The following EXOC6B variants were observed in gnomAD, a reference collection of about 807,000 sequenced individuals.
EXOC6B encodes the protein SEC15 homolog B.
A neutral mutation model predicts 113.5 loss-of-function variants in EXOC6B; 54 were observed. The ratio of observed to expected loss-of-function variants is 0.48; its 90% CI spans 0.38 to 0.60. EXOC6B has a LOEUF of 0.60. Ranked by LOEUF, EXOC6B falls within the 20% of genes least tolerant of loss-of-function variation. The pLI is 0.00. For missense variants in EXOC6B, 797 were observed against 977.5 expected (o/e 0.82, Z 2.46); for synonymous variants, 357 against 339.0 (o/e 1.05, Z -0.58).
chr2:72,214,487 C>CAAA (rs11355575), intron 20 of EXOC6B, among the ~76,000 whole-genome samples: 2 of 105,230 alleles, frequency 1.9e-5, no homozygotes, highest in Admixed American at 1.0e-4. Flanking sequence ...TGAGACTTGT[C>CAAA]AAAAAAAAAA....
chr2:72,326,638 C>T (rs1027247561), intron 20 of EXOC6B, among the ~76,000 whole-genome samples: 1 of 151,990 alleles, frequency 6.6e-6, no homozygotes, highest in Admixed American at 6.6e-5. Flanking sequence ...TCAAAAGTTA[C>T]AGTCATTGTT....
At chr2:72,426,964 G>C (rs1380446211) in intron 18 of EXOC6B, among the ~76,000 whole-genome samples, 1 of 152,136 alleles carries the variant, frequency 6.6e-6, no homozygotes, top group Non-Finnish European at 1.5e-5. Context: ...TGCCACCCTC[G>C]TGCAGCCAGA....
chr2:72,514,540 C>A, intron 10 of EXOC6B, 94 bp downstream of exon 10: 1 of 206,544 alleles, frequency 4.8e-6, no homozygotes. Flanking sequence ...ATTTTTCCAA[C>A]ATTCACAACT....
At chr2:72,461,068 T>C (rs995152862) in intron 18 of EXOC6B, among the ~76,000 whole-genome samples, 4 of 151,574 alleles carry the variant, frequency 2.6e-5, no homozygotes, top group African/African-American at 9.7e-5. Flanking sequence ...GGGACACGGA[T>C]GAAACTGGAA....
At chr2:72,286,279 T>G (rs1180249805) in intron 20 of EXOC6B, among the ~76,000 whole-genome samples, 2 of 152,154 alleles carry the variant, frequency 1.3e-5, no homozygotes, top group Non-Finnish European at 2.9e-5. Context: ...TAAATGAATG[T>G]GGTAAATCCA....
chr2:72,713,662 A>G (rs1679413486), intron 6 of EXOC6B, among the ~76,000 whole-genome samples: 1 of 151,916 alleles, frequency 6.6e-6, no homozygotes, highest in Non-Finnish European at 1.5e-5. Context: ...TTTAAAGCCA[A>G]TACTGTGATT....
At chr2:72,213,947 C>T (rs1201256340) in intron 20 of EXOC6B, among the ~76,000 whole-genome samples, 1 of 151,990 alleles carries the variant, frequency 6.6e-6, no homozygotes, top group Non-Finnish European at 1.5e-5. Context: ...TATAGCAGCC[C>T]GAATGGACTA....
intron 1 of EXOC6B, among the ~76,000 whole-genome samples, chr2:72,751,161 C>CATA (rs754240566): frequency 4.5e-4 from 69 of 152,238 alleles, no homozygotes; most frequent in Non-Finnish European, 9.6e-4. Context: ...ACACCTGTGA[C>CATA]ATAGCCTCAG....
intron 2 of EXOC6B, among the ~76,000 whole-genome samples, chr2:72,734,698 G>A (rs764259042): frequency 3.6e-4 from 55 of 152,296 alleles, no homozygotes; most frequent in Non-Finnish European, 4.9e-4. Context: ...TAGAATAAAC[G>A]TGATGGTAAG....
chr2:72,387,320 T>C lies in EXOC6B; in HGVS notation c.1981-7450A>G, dbSNP rs374355912. Among the ~76,000 whole-genome samples the C allele has an allele frequency of 2.6e-5, 4 of 152,166 alleles. No homozygotes were observed. In the East Asian group the frequency reaches 5.8e-4, roughly 22 times the overall value. Reference sequence around the variant, plus strand: ...CTGTTCTTATATTGTCATTGTTTGATTTTGCTATTAGAGTAATGTTGGTCT... The same window carrying C: ...CTGTTCTTATATTGTCATTGTTTGACTTTGCTATTAGAGTAATGTTGGTCT... On this transcript the variant is annotated intron_variant, in intron 18 of 21. Coordinates refer to ENST00000272427, the MANE Select transcript of EXOC6B (RefSeq NM_015189.3).
At chr2:72,344,745 A>G (rs1260667196) in intron 19 of EXOC6B, among the ~76,000 whole-genome samples, 1 of 151,944 alleles carries the variant, frequency 6.6e-6, no homozygotes, top group African/African-American at 2.4e-5. Context: ...ATTTTCTCCA[A>G]TTATGCAGTT....
chr2:72,265,974 T>C (rs1398876594), intron 20 of EXOC6B, among the ~76,000 whole-genome samples: 9 of 152,050 alleles, frequency 5.9e-5, no homozygotes, highest in Non-Finnish European at 1.3e-4. Flanking sequence ...TATCTCATTG[T>C]GGTTTTGATT....
At chr2:72,460,553 G>C (rs1267337114) in intron 18 of EXOC6B, among the ~76,000 whole-genome samples, 1 of 152,144 alleles carries the variant, frequency 6.6e-6, no homozygotes, top group African/African-American at 2.4e-5. Context: ...TGAAAGACAT[G>C]AACAGACACT....
At chr2:72,365,361 G>A (rs2104999914) in intron 19 of EXOC6B, among the ~76,000 whole-genome samples, 1 of 152,174 alleles carries the variant, frequency 6.6e-6, no homozygotes, top group Middle Eastern at 3.4e-3. Context: ...TGGAAACCTG[G>A]AAAACTGTAC....
chr2:72,538,568 T>A (rs1277244573), intron 8 of EXOC6B, among the ~76,000 whole-genome samples: 1 of 152,186 alleles, frequency 6.6e-6, no homozygotes, highest in Non-Finnish European at 1.5e-5. Flanking sequence ...CACATCTTGA[T>A]TCAGAATATT....
At chr2:72,472,817 T>C (rs755399989) in intron 17 of EXOC6B, among the ~76,000 whole-genome samples, 2 of 152,226 alleles carry the variant, frequency 1.3e-5, no homozygotes, top group African/African-American at 2.4e-5. Flanking sequence ...AGGTGCTTAT[T>C]GCTATGAACT....
In EXOC6B at chr2:72,527,964, T is replaced by C. The variant is rs1701817667; in HGVS notation, c.916-12838A>G. Among the ~76,000 whole-genome samples the C allele has an allele frequency of 2.6e-5, 4 of 151,994 alleles. No individual in the cohort carries two copies. The South Asian group carries it at 8.3e-4, about 31-fold the overall frequency. Reference sequence around the variant, plus strand: ...CATAAGGACTCATTTCCTGGATATATGATTTGCAAATATTTTCTCCCACTC... The same window carrying C: ...CATAAGGACTCATTTCCTGGATATACGATTTGCAAATATTTTCTCCCACTC... On this transcript the variant is annotated intron_variant, in intron 8 of 21. Coordinates refer to ENST00000272427, the MANE Select transcript of EXOC6B (RefSeq NM_015189.3).
intron 6 of EXOC6B, among the ~76,000 whole-genome samples, chr2:72,606,344 G>GT (rs1670752059): frequency 6.6e-6 from 1 of 151,718 alleles, no homozygotes; most frequent in Non-Finnish European, 1.5e-5. Context: ...AAGTTAACAA[G>GT]TACACACACA....
At chr2:72,386,157 T>C (rs896539408) in intron 18 of EXOC6B, among the ~76,000 whole-genome samples, 36 of 151,440 alleles carry the variant, frequency 2.4e-4, no homozygotes, top group African/African-American at 8.7e-4. Context: ...GCTATATATA[T>C]ACACACACAC....
Sources: gnomAD v4.1 joint callset for allele counts (sites outside exome capture counted in the v4.1 genomes callset) on GRCh38, gnomAD v4.1.1 for gene constraint, MANE v1.5 for transcripts, NCBI Gene and HGNC (gene_info 2026-07-23, HGNC 2026-07-21) for gene names.